SMARCA2: variants seen among roughly 807,000 people sequenced by gnomAD.
SMARCA2 encodes the protein SWI/SNF related BAF chromatin remodeling complex subunit ATPase 2, also known as SWI/SNF-related matrix-associated actin-dependent regulator of chromatin subfamily A member 2.
In SMARCA2, 61 loss-of-function variants were observed where a neutral mutation model predicts 199.8. That is an observed-to-expected ratio of 0.31 (90% CI 0.25 to 0.38). The LOEUF is 0.38. Among genes scored for constraint, SMARCA2 ranks in the 10% least tolerant of loss-of-function variants. SMARCA2 has a pLI of 1.00. For synonymous variants in SMARCA2, 935 were observed against 732.0 expected, an observed-to-expected ratio of 1.28 and a Z score of -4.48; for missense variants, 1,344 against 2,012.2, an observed-to-expected ratio of 0.67 and a Z score of 6.35.
Position 2,039,805 on chromosome 9 carries a change from A to C in SMARCA2, c.695A>C (p.Gln232Pro), listed in dbSNP as rs143245740. 8.5e-4 allele frequency: 1,372 copies of C among 1,607,546 alleles called. 1 individual carries two copies. Among genetic ancestry groups the C allele is most frequent in the Admixed American group, 2.3e-3 (139 of 59,572 alleles). ...QQQQQQQQQQQQQQQQQPQQQ... is the reference protein window; with the variant it reads ...QQQQQQQQQQPQQQQQQPQQQ... ...CAGCAGCAGCAGCAGCAGCAGCAGC[A>C]GCAGCAGCAGCAACAGCAGCCGCAG... The change falls in exon 4 of 34, where the codon CAG becomes CCG. Residue 232 changes from glutamine (Q) to proline (P), a missense_variant. Physicochemically the swap from Gln to Pro is moderately conservative, Grantham distance 76 (BLOSUM62 -1). Around this residue, in one of 18 missense-constraint regions of SMARCA2, gnomAD observed 117 missense variants for 99.1 expected, o/e 1.18. Coordinates refer to ENST00000349721, the MANE Select transcript of SMARCA2 (RefSeq NM_003070.5). This position sits in a 1 kb window ranked among gnomAD's most constrained non-coding sequence, Gnocchi z 4.8.
At chr9:2,019,139 G>GA (rs199837150) in intron 1 of SMARCA2, among the ~76,000 whole-genome samples, 58 of 145,414 alleles carry the variant, frequency 4.0e-4, no homozygotes, top group Middle Eastern at 3.6e-3. Context: ...AGACTGAGGG[G>GA]AAAAAAAAAA....
rs761321017 is a variant in SMARCA2 at position 2,104,206 on chromosome 9, A to G, written c.3292+37A>G. 2 of 1,578,524 alleles carry G rather than the reference A, an allele frequency of 1.3e-6. No individual in the cohort carries two copies. Among genetic ancestry groups the G allele is most frequent in the South Asian group, 1.1e-5 (1 of 87,904 alleles). ...AGGCATTAGGCTCGGAAGCCATACT[A>G]CTGAAAATGAAGGGATAATGGGCAC... On this transcript the variant is annotated intron_variant, in intron 23 of 33. Coordinates refer to ENST00000349721, the MANE Select transcript of SMARCA2 (RefSeq NM_003070.5). This position sits in a 1 kb window ranked among gnomAD's most constrained non-coding sequence, Gnocchi z 4.0.
intron 29 of SMARCA2, among the ~76,000 whole-genome samples, chr9:2,179,191 G>C (rs1382299820): frequency 1.3e-5 from 2 of 152,178 alleles, no homozygotes; most frequent in Admixed American, 1.3e-4. Context: ...GTACACAGTA[G>C]AGACTCTCCT....
At chr9:2,185,739 A>C (rs1827392134) in intron 31 of SMARCA2, among the ~76,000 whole-genome samples, 1 of 152,188 alleles carries the variant, frequency 6.6e-6, no homozygotes, top group Non-Finnish European at 1.5e-5. Context: ...TGCATTTTAA[A>C]GAAGATTGCT....
intron 26 of SMARCA2, among the ~76,000 whole-genome samples, chr9:2,120,895 G>C (rs1296811561): frequency 6.6e-6 from 1 of 152,138 alleles, no homozygotes; most frequent in Non-Finnish European, 1.5e-5. Flanking sequence ...AACTCACACT[G>C]GTCAGCATAA....
intron 8 of SMARCA2, among the ~76,000 whole-genome samples, chr9:2,059,298 C>A (rs1335259579): frequency 1.3e-5 from 2 of 152,188 alleles, no homozygotes; most frequent in Non-Finnish European, 2.9e-5. Flanking sequence ...CTAAGTGACA[C>A]TGTCTTCCTG....
intron 9 of SMARCA2, among the ~76,000 whole-genome samples, chr9:2,066,660 C>T (rs1188197988): frequency 6.6e-6 from 1 of 152,172 alleles, no homozygotes; most frequent in Non-Finnish European, 1.5e-5. Context: ...GAAGCCAGTA[C>T]AAAGTTTCTT....
intron 19 of SMARCA2, among the ~76,000 whole-genome samples, chr9:2,094,888 T>C (rs1430391521): frequency 6.6e-6 from 1 of 152,142 alleles, no homozygotes; most frequent in Non-Finnish European, 1.5e-5. Flanking sequence ...AGCGTTTTTC[T>C]TTACCCTTAT....
intron 19 of SMARCA2, among the ~76,000 whole-genome samples, chr9:2,095,353 G>A (rs1234840912): frequency 6.6e-6 from 1 of 151,980 alleles, no homozygotes; most frequent in Non-Finnish European, 1.5e-5. Context: ...CAAAGTGCTG[G>A]GACTGCAGGC....
intron 27 of SMARCA2, among the ~76,000 whole-genome samples, chr9:2,130,194 A>G (rs1823879582): frequency 6.6e-6 from 1 of 152,164 alleles, no homozygotes; most frequent in African/African-American, 2.4e-5. Flanking sequence ...AATATATTCA[A>G]TCCTGACCTT....
rs1412585591 is a variant in SMARCA2 at position 2,029,108 on chromosome 9, C to T, written c.86C>T (p.Pro29Leu). 3.1e-6 allele frequency: 5 copies of T among 1,598,130 alleles called. No homozygotes were observed. The highest frequency in any genetic ancestry group is 4.3e-6 in the Non-Finnish European group (5 of 1,171,008). The change falls in exon 2 of 34, where the codon CCT becomes CTT. Residue 29 changes from proline (P) to leucine (L), a missense_variant. Physicochemically the swap from Pro to Leu is moderately conservative, Grantham distance 98 (BLOSUM62 -3). Around this residue, in one of 18 missense-constraint regions of SMARCA2, gnomAD observed 275 missense variants for 247.5 expected, o/e 1.11. Transcript: ENST00000349721. ...PGPSPGPILGPSPGPGPSPGS... is the reference protein window; with the variant it reads ...PGPSPGPILGLSPGPGPSPGS... ...CCTTCCCCTGGGCCAATTCTTGGGC[C>T]TAGTCCAGGACCAGGACCATCCCCA...
intron 11 of SMARCA2, 23 bp downstream of exon 11, chr9:2,073,365 A>G (rs753238087): frequency 3.1e-6 from 5 of 1,613,414 alleles, no homozygotes; most frequent in Non-Finnish European, 4.2e-6. Flanking sequence ...AGCAGCGTTC[A>G]TGGTGTTCTT....
intron 29 of SMARCA2, among the ~76,000 whole-genome samples, chr9:2,180,727 C>T (rs1321635113): frequency 6.6e-6 from 1 of 152,190 alleles, no homozygotes; most frequent in Non-Finnish European, 1.5e-5. Flanking sequence ...ACCACATCTG[C>T]TTCCAACAGT....
At chr9:2,103,774 A>G (rs1822634319) in intron 22 of SMARCA2, among the ~76,000 whole-genome samples, 1 of 152,066 alleles carries the variant, frequency 6.6e-6, no homozygotes, top group Admixed American at 6.6e-5. Context: ...CTGTCATCAT[A>G]CCTAGTATAT....
intron 9 of SMARCA2, among the ~76,000 whole-genome samples, chr9:2,061,501 A>G (rs988253803): frequency 1.3e-5 from 2 of 152,176 alleles, no homozygotes; most frequent in Non-Finnish European, 1.5e-5. Context: ...GGTTTTAGGT[A>G]ATTACATAAA....
chr9:2,100,968 G>C (rs559356952), intron 21 of SMARCA2, among the ~76,000 whole-genome samples: 1 of 152,000 alleles, frequency 6.6e-6, no homozygotes, highest in African/African-American at 2.4e-5. Context: ...GAGAATGTGA[G>C]GCAAGTGAAA....
At chr9:2,040,882 G>T (rs1353209446) in intron 4 of SMARCA2, 1 of 152,626 alleles carries the variant, frequency 6.6e-6, no homozygotes, top group Non-Finnish European at 1.5e-5. Context: ...TTCCATGAAG[G>T]TTGTTTTCTC....
chr9:2,113,438 A>G (rs976395984), intron 24 of SMARCA2, among the ~76,000 whole-genome samples: 19 of 152,318 alleles, frequency 1.2e-4, no homozygotes, highest in African/African-American at 4.3e-4. Flanking sequence ...TTCAAGTATT[A>G]TCAGACCTAA....
At chr9:2,179,690 A>T (rs1426450047) in intron 29 of SMARCA2, among the ~76,000 whole-genome samples, 2 of 152,176 alleles carry the variant, frequency 1.3e-5, no homozygotes, top group Non-Finnish European at 2.9e-5. Flanking sequence ...TAAAATTAAG[A>T]GTGTGTCCAT....
Sources: allele counts gnomAD v4.1 joint callset (sites outside exome capture counted in the v4.1 genomes callset), GRCh38; gene constraint gnomAD v4.1.1; regional missense constraint gnomAD v4.1.1; non-coding constraint Gnocchi (gnomAD v3.1); transcripts MANE v1.5; gene names NCBI Gene and HGNC (gene_info 2026-07-23, HGNC 2026-07-21).